The following CDH22 variants were observed in gnomAD, a reference collection of about 807,000 sequenced individuals.
CDH22 encodes the protein cadherin-22.
A neutral mutation model predicts 58.4 loss-of-function variants in CDH22; 30 were observed. That is an observed-to-expected ratio of 0.51 (90% CI 0.38 to 0.70). The LOEUF (loss-of-function observed/expected upper bound fraction) is 0.70. Among genes scored for constraint, CDH22 ranks in the 30% least tolerant of loss-of-function variants. The pLI, the probability that CDH22 is intolerant of heterozygous loss-of-function variation, is 0.00. For synonymous variants in CDH22, 513 were observed against 558.2 expected (o/e 0.92, Z 1.14); for missense variants, 1,014 against 1,233.9 (o/e 0.82, Z 2.67).
At chr20:46,193,356 C>G (rs2085875350) in intron 8 of CDH22, among the ~76,000 whole-genome samples, 1 of 152,092 alleles carries the variant, frequency 6.6e-6, no homozygotes, top group African/African-American at 2.4e-5. Context: ...TGACATGTCT[C>G]TTTCCCGGGC....
chr20:46,210,664 T>G lies in CDH22; in HGVS notation c.1033-104A>C. ...GCGGGGTTGGCCCAAGGTCACACGT[T>G]GTCTCAGCAGGGGCGGCAGGGATGT... On this transcript the variant is annotated intron_variant, in intron 6 of 11. Transcript: ENST00000537909. The surrounding 1 kb of genome is among the most constrained non-coding windows in gnomAD (Gnocchi z 4.5). The G allele has an allele frequency of 8.7e-7, 1 of 1,147,954 alleles. No individual in the cohort carries two copies. Among genetic ancestry groups the G allele is most frequent in the Non-Finnish European group, 1.2e-6 (1 of 857,874 alleles). The allele number at this position is 1,147,954 out of a possible 1,614,324, so 71.1% of individuals were successfully genotyped here. A position where few individuals can be genotyped will look rare whatever the true frequency, so the allele number is the denominator to read the frequency against.
At chr20:46,183,958 T>C (rs1464622153) in intron 10 of CDH22, among the ~76,000 whole-genome samples, 1 of 152,160 alleles carries the variant, frequency 6.6e-6, no homozygotes, top group Admixed American at 6.5e-5. Flanking sequence ...CACAGGGCCT[T>C]TGCACTTGCT....
intron 2 of CDH22, among the ~76,000 whole-genome samples, chr20:46,242,694 G>C (rs1372017244): frequency 1.3e-5 from 2 of 152,132 alleles, no homozygotes; most frequent in Non-Finnish European, 2.9e-5. Context: ...AGGGAGAGGA[G>C]AGGGACTATT....
At chr20:46,224,632 A>G (rs8125440) in intron 4 of CDH22, among the ~76,000 whole-genome samples, 3,186 of 152,310 alleles carry the variant, frequency 0.021, 102 homozygotes, top group African/African-American at 0.072. Flanking sequence ...CTGCTCTAGT[A>G]GCTTTCTTAA....
chr20:46,268,212 C>T (rs904739088), intron 1 of CDH22, among the ~76,000 whole-genome samples: 2 of 152,240 alleles, frequency 1.3e-5, no homozygotes, highest in Non-Finnish European at 2.9e-5. Context: ...GGGCCGACCT[C>T]AGCCCTGGAA....
intron 2 of CDH22, among the ~76,000 whole-genome samples, chr20:46,242,851 G>C (rs1463329717): frequency 6.6e-6 from 1 of 152,170 alleles, no homozygotes; most frequent in African/African-American, 2.4e-5. Flanking sequence ...CTGCATGTTA[G>C]CTATATATAA....
rs953244001 is a variant in CDH22 at position 46,226,257 on chromosome 20, T to TTCTTCC, written c.670+1250_670+1251insGGAAGA. Among the ~76,000 whole-genome samples, 22 of 12,838 alleles carry TTCTTCC rather than the reference T, an allele frequency of 1.7e-3. 1 individual carries two copies. Among genetic ancestry groups the TTCTTCC allele is most frequent in the African/African-American group, 3.3e-3 (5 of 1,516 alleles). 8.4% of individuals were successfully genotyped at this position (12,838 alleles called of 152,430 possible). On this transcript the variant is annotated intron_variant, in intron 4 of 11. Coordinates refer to ENST00000537909, the MANE Select transcript of CDH22 (RefSeq NM_021248.3). ...CTTCTTCTTCTTCTTCTTCTTCTTC[T>TTCTTCC]TCTTCTTCTTCTTCTTCTTCTTCTT... is the stretch of plus-strand genomic sequence containing the variant.
chr20:46,301,782 G>T (rs1430163435), intron 1 of CDH22, among the ~76,000 whole-genome samples: 1 of 152,080 alleles, frequency 6.6e-6, no homozygotes, highest in Non-Finnish European at 1.5e-5. Context: ...TTGCACTCCA[G>T]CTTGGGCAAC....
At chr20:46,237,599 C>T (rs1348049481) in intron 3 of CDH22, among the ~76,000 whole-genome samples, 1 of 152,214 alleles carries the variant, frequency 6.6e-6, no homozygotes, top group Non-Finnish European at 1.5e-5. Flanking sequence ...TTCTGCTTCT[C>T]CCTTCCCCCT....
At chr20:46,184,044 C>T (rs1267097092) in intron 10 of CDH22, among the ~76,000 whole-genome samples, 1 of 152,086 alleles carries the variant, frequency 6.6e-6, no homozygotes, top group African/African-American at 2.4e-5. Flanking sequence ...TTGGAGAGTC[C>T]TTCCCAGGCC....
chr20:46,254,554 CAAAAAAAA>C (rs1257630029), intron 1 of CDH22, among the ~76,000 whole-genome samples: 3 of 64,128 alleles, frequency 4.7e-5, no homozygotes, highest in Non-Finnish European at 7.0e-5. Flanking sequence ...AATTCCATCT[CAAAAAAAA>C]AAAAAAAAAA....
chr20:46,302,331 T>A (rs2086655937), intron 1 of CDH22, among the ~76,000 whole-genome samples: 1 of 152,108 alleles, frequency 6.6e-6, no homozygotes, highest in Non-Finnish European at 1.5e-5. Flanking sequence ...ATCCCTGGCC[T>A]CTACCCATCA....
At chr20:46,287,644 G>A in intron 1 of CDH22, among the ~76,000 whole-genome samples, 1 of 152,052 alleles carries the variant, frequency 6.6e-6, no homozygotes, top group East Asian at 1.9e-4. Context: ...AAGCAGGCAG[G>A]AGGCCACACC....
chr20:46,262,802 C>T (rs2086439788), intron 1 of CDH22, among the ~76,000 whole-genome samples: 2 of 152,202 alleles, frequency 1.3e-5, no homozygotes, highest in Non-Finnish European at 2.9e-5. Flanking sequence ...CTGATTGGGA[C>T]CTGCCTACTC....
chr20:46,204,015 G>A (rs926448524), intron 7 of CDH22, among the ~76,000 whole-genome samples: 5 of 152,160 alleles, frequency 3.3e-5, no homozygotes, highest in Non-Finnish European at 7.4e-5. Context: ...CAGATCTGAT[G>A]CCCATCTGCC....
intron 5 of CDH22, among the ~76,000 whole-genome samples, chr20:46,214,909 C>T (rs1005229987): frequency 2.6e-5 from 4 of 152,250 alleles, no homozygotes; most frequent in African/African-American, 9.6e-5. Flanking sequence ...CAGGCATTCC[C>T]AGTGCCTGGC....
chr20:46,283,421 T>C (rs1461633298), intron 1 of CDH22, among the ~76,000 whole-genome samples: 2 of 152,166 alleles, frequency 1.3e-5, no homozygotes, highest in Non-Finnish European at 2.9e-5. Flanking sequence ...TGATAGGAAC[T>C]GCCCCCGGGG....
rs1390688605 is a variant in CDH22, at chr20:46,174,614, C to T, written c.2379G>A (p.Ser793=). 5 of 1,539,628 alleles carry T rather than the reference C, an allele frequency of 3.2e-6. No individual in the cohort carries two copies. The African/African-American group carries it at 6.8e-5, about 21-fold the overall frequency. Residue 793 remains serine, a synonymous_variant, in exon 12 of 12, where the codon TCG becomes TCA. Coordinates refer to ENST00000537909, the MANE Select transcript of CDH22 (RefSeq NM_021248.3). The surrounding 1 kb of genome is among the most constrained non-coding windows in gnomAD (Gnocchi z 4.4). ...GATAGGCGAAGTCCTGCTCGGAGCC[C>T]GACGAGCCGCTGTGCAGGGAGCTGA... is the stretch of plus-strand genomic sequence containing the variant. ...ASLSSLHSGS[S]GSEQDFAYLS...
In CDH22 at chr20:46,262,088, G is replaced by A. The variant is rs192620892; in HGVS notation, c.-399-10395C>T. ...ACTAGGTGCTCAATAAGTGTGGAGC[G>A]AGAGACTAAATGGGTGTCTACTCTT... On this transcript the variant is annotated intron_variant, in intron 1 of 11. Transcript: ENST00000537909. 5.0e-3 allele frequency among the ~76,000 whole-genome samples: 760 copies of A among 152,206 alleles called. 4 individuals carry two copies. The highest frequency in any genetic ancestry group is 0.02 in the South Asian group (98 of 4,820).
Sources: gnomAD v4.1 joint callset for allele counts (sites outside exome capture counted in the v4.1 genomes callset) on GRCh38, gnomAD v4.1.1 for gene constraint, Gnocchi (gnomAD v3.1) non-coding constraint, MANE v1.5 for transcripts, NCBI Gene and HGNC (gene_info 2026-07-23, HGNC 2026-07-21) for gene names.